Variants in PCDH11X observed in about 807,000 individuals in gnomAD.
PCDH11X encodes the protein protocadherin 11 X-linked.
PCDH11X carries 18 observed loss-of-function variants against 53.3 expected under a neutral mutation model. The observed-to-expected ratio is 0.34, with a 90% CI of 0.23 to 0.50. PCDH11X has a LOEUF of 0.50. PCDH11X is among the 20% of genes least tolerant of loss of function. The pLI is 0.98. For missense variants in PCDH11X, 570 were observed against 1,032.4 expected (o/e 0.55, Z 6.14); for synonymous variants, 279 against 393.3 (o/e 0.71, Z 3.44).
chrX:91,970,235 C>G (rs753305771), intron 6 of PCDH11X, among the ~76,000 whole-genome samples: 1 of 111,376 alleles, frequency 9.0e-6, no homozygotes, highest in African/African-American at 3.3e-5. Flanking sequence ...AAGAACAAAG[C>G]TTCCACCACG....
chrX:92,148,531 T>G (rs1301854296), intron 6 of PCDH11X, among the ~76,000 whole-genome samples: 1 of 107,825 alleles, frequency 9.3e-6, no homozygotes, highest in Admixed American at 1.0e-4. Flanking sequence ...CGGCCTGAAT[T>G]TCTTTCTAAT....
At chrX:92,161,074 T>C (rs2065634670) in intron 6 of PCDH11X, among the ~76,000 whole-genome samples, 1 of 110,934 alleles carries the variant, frequency 9.0e-6, no homozygotes, top group African/African-American at 3.3e-5. Context: ...TATTAGTCCT[T>C]TGTTGTATGT....
At position 91,981,448 on chromosome X, in the gene PCDH11X, T is replaced by TAA. The variant is rs60823093; in HGVS notation, c.3033+102183_3033+102184dup. On this transcript the variant is annotated intron_variant, in intron 6 of 10. Transcript: ENST00000682573. The stretch of plus-strand genomic sequence containing the variant: ...AGTCTACAATGATGCAGTATCTGAT[T>TAA]AAAAAAAAATGTGGCTAGCTGATAA... Among the ~76,000 whole-genome samples the TAA allele has an allele frequency of 7.2e-3, 791 of 109,539 alleles. 5 individuals are homozygous for TAA. The highest frequency in any genetic ancestry group is 0.025 in the African/African-American group (750 of 30,201).
chrX:92,342,292 A>G (rs763179816), intron 8 of PCDH11X, among the ~76,000 whole-genome samples: 2 of 110,784 alleles, frequency 1.8e-5, no homozygotes, highest in South Asian at 7.7e-4. Context: ...TCAAACAAAC[A>G]AACAAACAAC....
At chrX:92,235,131 T>C (rs1603220717) in intron 7 of PCDH11X, among the ~76,000 whole-genome samples, 1 of 109,612 alleles carries the variant, frequency 9.1e-6, no homozygotes, top group African/African-American at 3.4e-5. Flanking sequence ...TAAAATTACA[T>C]ACGAATATGA....
At chrX:92,294,053 TG>T (rs1404734920) in intron 8 of PCDH11X, among the ~76,000 whole-genome samples, 1 of 111,387 alleles carries the variant, frequency 9.0e-6, no homozygotes, top group Admixed American at 9.6e-5. Context: ...AAAGACTACC[TG>T]TACTAAATTT....
chrX:91,835,661 C>T lies in PCDH11X; in HGVS notation c.157C>T (p.Pro53Ser), dbSNP rs373561793. The T allele has an allele frequency of 3.8e-4, 457 of 1,208,889 alleles. 2 individuals carry two copies. In the South Asian group the frequency reaches 6.0e-3, roughly 16 times the overall value. The change falls in exon 5 of 11, where the codon CCA (proline) becomes TCA (serine). Residue 53 changes from proline to serine, a missense_variant. Coordinates refer to ENST00000682573, the MANE Select transcript of PCDH11X (RefSeq NM_032968.5). ...GAAAGACCTTAACTTGTCGCTGATT[C>T]CAAACAAGTCCTTGACAACTGCTAT... ...LLKDLNLSLIPNKSLTTAMQF... is the reference protein window; with the variant it reads ...LLKDLNLSLISNKSLTTAMQF...
At chrX:92,228,784 A>G (rs1454303008) in intron 7 of PCDH11X, among the ~76,000 whole-genome samples, 1 of 112,030 alleles carries the variant, frequency 8.9e-6, no homozygotes, top group Non-Finnish European at 1.9e-5. Context: ...AAAGGACATT[A>G]TCTAGGCCAC....
intron 6 of PCDH11X, 176 bp from the exon 7 acceptor site, chrX:92,201,199 G>A (rs1305932398): frequency 9.7e-6 from 2 of 206,293 alleles, no homozygotes; most frequent in African/African-American, 6.2e-5. Flanking sequence ...GCTATGTGTG[G>A]CATATTGTTA....
In PCDH11X at chrX:91,825,446, C is replaced by T. The variant is rs184423725; in HGVS notation, c.-44-10015C>T. ...GGGATTGACCCGATTTTCCAGGTGC[C>T]GTCCGTCACCCCTTTCTTTGATTAG... is the stretch of plus-strand genomic sequence containing the variant. On this transcript the variant is annotated intron_variant, in intron 4 of 10. Transcript: ENST00000682573. 2.5e-3 allele frequency among the ~76,000 whole-genome samples: 277 copies of T among 111,826 alleles called. 3 individuals are homozygous for T. The highest frequency in any genetic ancestry group is 0.02 in the Admixed American group (215 of 10,629).
chrX:92,600,347 C>T (rs1196906895), intron 10 of PCDH11X, among the ~76,000 whole-genome samples: 2 of 110,871 alleles, frequency 1.8e-5, no homozygotes, highest in African/African-American at 6.6e-5. Flanking sequence ...GTTTTGTGGG[C>T]CAGATCCAGG....
At chrX:91,925,747 G>A (rs769050012) in intron 6 of PCDH11X, among the ~76,000 whole-genome samples, 72 of 110,975 alleles carry the variant, frequency 6.5e-4, no homozygotes, top group Non-Finnish European at 1.2e-3. Context: ...TTCTTTTTAA[G>A]AAGAAAGACT....
In PCDH11X at chrX:92,168,533, C is replaced by CA. The variant is rs758702137; in HGVS notation, c.3034-32831dup. ...TGAGTGACAGAGTGAAACTCTGCCTCAAAAAAAAAAACCCAAAACAAACAA... is the reference window on the plus strand; with the variant it reads ...TGAGTGACAGAGTGAAACTCTGCCTCAAAAAAAAAAAACCCAAAACAAACAA... On this transcript the variant is annotated intron_variant, in intron 6 of 10. Coordinates refer to ENST00000682573, the MANE Select transcript of PCDH11X (RefSeq NM_032968.5). Among the ~76,000 whole-genome samples the CA allele has an allele frequency of 2.5e-3, 253 of 99,619 alleles. 3 individuals carry two copies. The highest frequency in any genetic ancestry group is 0.015 in the South Asian group (33 of 2,263). 86.5% of individuals were successfully genotyped at this position (99,619 alleles called of 115,157 possible).
At chrX:92,121,598 T>G (rs1014873023) in intron 6 of PCDH11X, among the ~76,000 whole-genome samples, 6 of 112,251 alleles carry the variant, frequency 5.3e-5, no homozygotes, top group African/African-American at 1.9e-4. Flanking sequence ...ATGTGTGTAC[T>G]CTGTCACACA....
At chrX:92,165,507 T>C (rs2437447) in intron 6 of PCDH11X, among the ~76,000 whole-genome samples, 42,229 of 110,607 alleles carry the variant, frequency 0.38, 6,343 homozygotes, top group East Asian at 0.66. Context: ...TAAGTCCCCA[T>C]TTAAACAGAA....
chrX:91,844,884 G>C (rs1602346805), intron 5 of PCDH11X, among the ~76,000 whole-genome samples: 1 of 109,040 alleles, frequency 9.2e-6, no homozygotes, highest in Admixed American at 1.0e-4. Context: ...GAGCATTGCT[G>C]TCAGTAATGC....
At chrX:92,454,272 T>C (rs2072865188) in intron 9 of PCDH11X, among the ~76,000 whole-genome samples, 1 of 108,063 alleles carries the variant, frequency 9.3e-6, no homozygotes, top group East Asian at 2.8e-4. Flanking sequence ...TATATGTGTA[T>C]CTAAATATGT....
chrX:91,780,405 T>TA (rs1365357425), intron 1 of PCDH11X, among the ~76,000 whole-genome samples: 2 of 112,264 alleles, frequency 1.8e-5, no homozygotes, highest in Non-Finnish European at 3.8e-5. Context: ...GCCTATTTTT[T>TA]AAAAATCAAC....
chrX:91,907,370 A>AACACACACACAC lies in PCDH11X; in HGVS notation c.3033+28129_3033+28140dup, dbSNP rs777259208. 2.1e-3 allele frequency among the ~76,000 whole-genome samples: 75 copies of AACACACACACAC among 36,146 alleles called. 3 individuals are homozygous for AACACACACACAC. The highest frequency in any genetic ancestry group is 3.4e-3 in the South Asian group (1 of 294). 31.4% of individuals were successfully genotyped at this position (36,146 alleles called of 115,157 possible). A position where few individuals can be genotyped will look rare whatever the true frequency, so the allele number is the denominator to read the frequency against. ...CATGTACATGATACACACCACCCTC[A>AACACACACACAC]ACACACACACACACACACACACACA... is the stretch of plus-strand genomic sequence containing the variant. On this transcript the variant is annotated intron_variant, in intron 6 of 10. Coordinates refer to ENST00000682573, the MANE Select transcript of PCDH11X (RefSeq NM_032968.5).
Sources: gnomAD v4.1 joint callset for allele counts (sites outside exome capture counted in the v4.1 genomes callset) on GRCh38, gnomAD v4.1.1 for gene constraint, MANE v1.5 for transcripts, NCBI Gene and HGNC (gene_info 2026-07-23, HGNC 2026-07-21) for gene names.